The following ASB5 variants were observed in gnomAD, a reference collection of about 807,000 sequenced individuals.
ASB5 encodes the protein ankyrin repeat and SOCS box containing 5.
ASB5 carries 45 observed loss-of-function variants against 42.1 expected under a neutral mutation model. The observed-to-expected ratio is 1.07, with a 90% confidence interval of 0.84 to 1.37. The LOEUF (loss-of-function observed/expected upper bound fraction) is 1.37. Ranked by LOEUF, ASB5 falls within the 40% of genes most tolerant of loss-of-function variation. The probability of loss-of-function intolerance (pLI) is 0.00; values close to 1 mark genes in which losing one functional copy is unlikely to be tolerated. For synonymous variants in ASB5, 147 were observed against 150.6 expected, an observed-to-expected ratio of 0.98 and a Z score of 0.18; for missense variants, 402 against 399.8, an observed-to-expected ratio of 1.01 and a Z score of -0.05.
Position 176,221,501 on chromosome 4 carries a change from C to A in ASB5, c.484G>T (p.Ala162Ser). 6.2e-7 allele frequency: 1 copy of A among 1,614,176 alleles called. No homozygotes were observed. Among genetic ancestry groups the A allele is most frequent in the Non-Finnish European group, 8.5e-7 (1 of 1,180,020 alleles). ...GATGGAAGACATGACTCCAGCTGGG[C>A]TTTGGCACCATACTCCAGAAGCAGC... ...AELLLEYGAK[A>S]QLESCLPSPT... Residue 162 changes from alanine to serine, a missense_variant, in exon 4 of 7, where the codon GCC becomes TCC. By Grantham distance (99) the Ala-to-Ser change is moderately conservative. Transcript: ENST00000296525.
chr4:176,233,325 C>T (rs1753597879), intron 1 of ASB5, among the ~76,000 whole-genome samples: 1 of 152,174 alleles, frequency 6.6e-6, no homozygotes, highest in Non-Finnish European at 1.5e-5. Flanking sequence ...TTATTACATG[C>T]ATATGGATTA....
chr4:176,219,375 A>ATGATATATAAATATATATATTTGTG lies in ASB5; in HGVS notation c.670+1779_670+1780insCACAAATATATATATTTATATATCA, dbSNP rs1753109815. Among the ~76,000 whole-genome samples the ATGATATATAAATATATATATTTGTG allele has an allele frequency of 3.2e-5, 3 of 93,904 alleles. No homozygotes were observed. In the East Asian group the frequency reaches 1.0e-3, roughly 32 times the overall value. The allele number at this position is 93,904 out of a possible 152,430, so 61.6% of individuals were successfully genotyped here. A position where few individuals can be genotyped will look rare whatever the true frequency, so the allele number is the denominator to read the frequency against. ...ATGATATATAAATATATATATTTGT[A>ATGATATATAAATATATATATTTGTG]TGATATATAAATATATATATTTGTA... On this transcript the variant is annotated intron_variant, in intron 5 of 6. Coordinates refer to ENST00000296525, the MANE Select transcript of ASB5 (RefSeq NM_080874.4).
At chr4:176,253,466 C>G (rs890453356) in intron 1 of ASB5, among the ~76,000 whole-genome samples, 2 of 152,152 alleles carry the variant, frequency 1.3e-5, no homozygotes, top group Non-Finnish European at 2.9e-5. Flanking sequence ...TGGAAGCATT[C>G]CTGCTGAGAA....
chr4:176,274,543 C>T lies in ASB5; in HGVS notation c.-90+1253G>A, dbSNP rs1754531522. ...TGAGATTCCCACCCAGGTTTTTTGC[C>T]CTGCAGTGCCTCTCAGGTTATTATT... On this transcript the variant is annotated intron_variant, in intron 2 of 2. Transcript: ENST00000505299. Among the ~76,000 whole-genome samples, 4 of 152,104 alleles carry T rather than the reference C, an allele frequency of 2.6e-5. 1 individual carries two copies. The South Asian group carries it at 8.3e-4, about 32-fold the overall frequency.
chr4:176,234,134 C>T (rs1753622034), intron 1 of ASB5, among the ~76,000 whole-genome samples: 1 of 152,214 alleles, frequency 6.6e-6, no homozygotes, highest in Admixed American at 6.5e-5. Context: ...TGTTTCTGCC[C>T]ATGCCCTTCC....
intron 1 of ASB5, among the ~76,000 whole-genome samples, chr4:176,228,492 C>A (rs1402264371): frequency 1.3e-5 from 2 of 152,132 alleles, no homozygotes; most frequent in African/African-American, 4.8e-5. Context: ...CTAATGTATA[C>A]TTTCTCTCTC....
chr4:176,252,091 A>T (rs1420625755), intron 1 of ASB5, among the ~76,000 whole-genome samples: 3 of 151,516 alleles, frequency 2.0e-5, no homozygotes, highest in African/African-American at 7.3e-5. Context: ...AAAGAAAAAA[A>T]AAAAAAGAAA....
chr4:176,215,878 T>C, intron 6 of ASB5, 151 bp from the exon 7 acceptor site: 1 of 565,014 alleles, frequency 1.8e-6, no homozygotes, highest in Non-Finnish European at 2.9e-6. Context: ...ATGTAAGCAG[T>C]TATATTGCTT....
chr4:176,269,343 A>G (rs566186479), upstream of ASB5: 2 of 349,750 alleles, frequency 5.7e-6, no homozygotes, highest in African/African-American at 4.2e-5. Flanking sequence ...CTGACTTTCC[A>G]TTCTCAATAT....
intron 1 of ASB5, chr4:176,241,497 A>G: frequency 6.5e-7 from 1 of 1,535,658 alleles, no homozygotes; most frequent in Admixed American, 2.0e-5. Flanking sequence ...GCAAAGAGGC[A>G]TCTGGAAGGG....
rs13148085 is a variant in ASB5, at chr4:176,216,634, C to T, written c.862+184G>A. On this transcript the variant is annotated intron_variant, in intron 6 of 6. Transcript: ENST00000296525. ...AAAGTGCTGGGATTACAGGTGTGAG[C>T]CACCACACTCGGCTGATATCTTCTT... Among the ~76,000 whole-genome samples the T allele has an allele frequency of 0.21, 32,657 of 152,174 alleles. 3,585 individuals carry two copies. The highest frequency in any genetic ancestry group is 0.25 in the East Asian group (1,306 of 5,178).
At position 176,216,804 on chromosome 4, in the gene ASB5, T is replaced by A; in HGVS notation, c.862+14A>T. On this transcript the variant is annotated intron_variant, in intron 6 of 6. Coordinates refer to ENST00000296525, the MANE Select transcript of ASB5 (RefSeq NM_080874.4). ...TATTTTGTTTTTGTAAGTTTCCACA[T>A]GTATTTTTCTTACCTTCATGTTGAA... 6.5e-7 allele frequency: 1 copy of A among 1,532,516 alleles called. No individual in the cohort carries two copies. 94.9% of individuals were successfully genotyped at this position (1,532,516 alleles called of 1,614,324 possible).
chr4:176,269,254 C>T (rs1255533712), upstream of ASB5: 4 of 570,546 alleles, frequency 7.0e-6, no homozygotes, highest in South Asian at 7.6e-5. Flanking sequence ...TATTTATACA[C>T]TCCATAAAAG....
intron 2 of ASB5, among the ~76,000 whole-genome samples, chr4:176,223,674 G>A (rs986072445): frequency 1.3e-5 from 2 of 152,100 alleles, no homozygotes; most frequent in African/African-American, 2.4e-5. Flanking sequence ...CAAAGATTTT[G>A]AGTTGGCTAG....
rs754178317 is a variant in ASB5 at position 176,215,662 on chromosome 4, A to G, written c.928T>C (p.Leu310=). The part of the protein sequence containing the change: ...CIRSYIGKPR[L]HLIPQLQLPT... ...AGCTGGAGTTGTGGGATAAGGTGCA[A>G]TCTTGGTTTTCCTATGTAGCTTCGG... Residue 310 remains leucine, a synonymous_variant, in exon 7 of 7, where the codon TTG becomes CTG. Transcript: ENST00000296525. 12 of 1,613,420 alleles carry G rather than the reference A, an allele frequency of 7.4e-6. No homozygotes were observed. In the South Asian group the frequency reaches 1.2e-4, roughly 16 times the overall value.
intron 1 of ASB5, among the ~76,000 whole-genome samples, chr4:176,236,593 C>T (rs1173697819): frequency 6.6e-6 from 1 of 152,098 alleles, no homozygotes; most frequent in Non-Finnish European, 1.5e-5. Flanking sequence ...TGAAAATATG[C>T]TTTGTATGTT....
intron 1 of ASB5, among the ~76,000 whole-genome samples, chr4:176,239,742 G>A (rs1753771817): frequency 6.6e-6 from 1 of 152,180 alleles, no homozygotes; most frequent in African/African-American, 2.4e-5. Context: ...TTCCAGGGCA[G>A]TGGGGAAAAA....
intron 5 of ASB5, among the ~76,000 whole-genome samples, chr4:176,217,964 T>A (rs1031355959): frequency 1.3e-5 from 2 of 151,664 alleles, no homozygotes; most frequent in African/African-American, 2.4e-5. Context: ...ATGTAATCAT[T>A]TTCAATATTT....
At chr4:176,275,814 T>A (rs1754552886) in exon 2 of ASB5, 1 of 152,238 alleles carries the variant, frequency 6.6e-6, no homozygotes. Context: ...TGGGAACCTG[T>A]CAGCTGTCTG....
Sources: allele counts gnomAD v4.1 joint callset (sites outside exome capture counted in the v4.1 genomes callset), GRCh38; gene constraint gnomAD v4.1.1; transcripts MANE v1.5; gene names NCBI Gene and HGNC (gene_info 2026-07-23, HGNC 2026-07-21).